The following GRID1 variants were observed in gnomAD, a reference collection of about 807,000 sequenced individuals.
The protein encoded by GRID1 is glutamate ionotropic receptor delta type subunit 1, also known as glutamate receptor ionotropic, delta-1.
GRID1 carries 28 observed loss-of-function variants against 98.0 expected under a neutral mutation model. The ratio of observed to expected loss-of-function variants is 0.29; its 90% CI spans 0.21 to 0.39. GRID1 has a LOEUF of 0.39. GRID1 is among the 10% of genes least tolerant of loss of function. The pLI is 1.00. For missense variants in GRID1, 1,111 were observed against 1,340.5 expected (o/e 0.83, Z 2.67); for synonymous variants, 553 against 538.5 (o/e 1.03, Z -0.37).
chr10:85,964,039 C>T (rs935961896), intron 4 of GRID1, among the ~76,000 whole-genome samples: 1 of 152,100 alleles, frequency 6.6e-6, no homozygotes, highest in African/African-American at 2.4e-5. Context: ...TTCACAATTG[C>T]TACTAAGACA....
intron 8 of GRID1, among the ~76,000 whole-genome samples, chr10:85,846,302 G>T (rs1843004381): frequency 6.6e-6 from 1 of 152,204 alleles, no homozygotes; most frequent in African/African-American, 2.4e-5. Flanking sequence ...GGGAGACTGA[G>T]GGGGCAGATC....
chr10:86,060,128 A>T (rs1843629295), intron 4 of GRID1, among the ~76,000 whole-genome samples: 2 of 152,262 alleles, frequency 1.3e-5, no homozygotes, highest in Non-Finnish European at 2.9e-5. Context: ...GGGGAAAAAA[A>T]GCAGATTTCT....
intron 6 of GRID1, among the ~76,000 whole-genome samples, chr10:85,866,496 G>A (rs1843223022): frequency 6.6e-6 from 1 of 150,814 alleles, no homozygotes; most frequent in South Asian, 2.1e-4. Flanking sequence ...AATTCCAGTT[G>A]AGCATCCTTA....
chr10:85,865,944 C>CATATATATATATATAT, intron 6 of GRID1, among the ~76,000 whole-genome samples: 1 of 65,804 alleles, frequency 1.5e-5, no homozygotes, highest in Non-Finnish European at 2.8e-5. Context: ...TATATATATA[C>CATATATATATATATAT]ACATATATAT....
At chr10:85,973,069 G>A (rs926102699) in intron 4 of GRID1, among the ~76,000 whole-genome samples, 14 of 152,160 alleles carry the variant, frequency 9.2e-5, no homozygotes, top group Admixed American at 6.5e-4. Flanking sequence ...GTGGCACCAC[G>A]TGACTTTTCA....
intron 4 of GRID1, among the ~76,000 whole-genome samples, chr10:86,121,152 G>A (rs904049748): frequency 1.3e-5 from 2 of 152,178 alleles, no homozygotes; most frequent in African/African-American, 4.8e-5. Context: ...GTAAGTCAGG[G>A]AGGGGAAGCT....
intron 4 of GRID1, among the ~76,000 whole-genome samples, chr10:85,933,660 A>G (rs149101791): frequency 1.4e-3 from 211 of 152,300 alleles, no homozygotes; most frequent in African/African-American, 4.7e-3. Flanking sequence ...ATTCTTGATC[A>G]AGCCCACAAG....
intron 15 of GRID1, chr10:85,605,474 T>C (rs1423553518): frequency 6.6e-6 from 1 of 152,226 alleles, no homozygotes; most frequent in African/African-American, 2.4e-5. Flanking sequence ...GGGAAACTGA[T>C]GACCTGGGAC....
chr10:85,933,225 A>C (rs749008801), intron 4 of GRID1, among the ~76,000 whole-genome samples: 76 of 150,278 alleles, frequency 5.1e-4, no homozygotes, highest in Non-Finnish European at 6.2e-4. Context: ...CCAATGATGC[A>C]GACTCCTCAA....
At chr10:86,268,006 C>T (rs1389604093) in intron 2 of GRID1, among the ~76,000 whole-genome samples, 2 of 152,294 alleles carry the variant, frequency 1.3e-5, no homozygotes, top group Non-Finnish European at 2.9e-5. Flanking sequence ...GCCCGGTGCT[C>T]GCCTGTGTCA....
chr10:86,287,374 G>T (rs534977682), intron 2 of GRID1, among the ~76,000 whole-genome samples: 1 of 152,172 alleles, frequency 6.6e-6, no homozygotes, highest in Admixed American at 6.5e-5. Flanking sequence ...AGAGCCCTGG[G>T]CACCATTCCT....
intron 4 of GRID1, among the ~76,000 whole-genome samples, chr10:86,136,252 G>A (rs950324905): frequency 6.6e-6 from 1 of 152,188 alleles, no homozygotes; most frequent in African/African-American, 2.4e-5. Flanking sequence ...GTTTACTCCA[G>A]AATCCACATT....
chr10:85,878,685 A>G (rs1054022160), intron 5 of GRID1, among the ~76,000 whole-genome samples: 6 of 152,250 alleles, frequency 3.9e-5, no homozygotes, highest in African/African-American at 1.4e-4. Context: ...TGTAAAGACC[A>G]TCAAGGCTAG....
At chr10:85,998,356 C>T (rs114895099) in intron 4 of GRID1, among the ~76,000 whole-genome samples, 1,802 of 151,832 alleles carry the variant, frequency 0.012, 33 homozygotes, top group African/African-American at 0.041. Flanking sequence ...AGAAAATATC[C>T]GAACACTTGA....
intron 4 of GRID1, among the ~76,000 whole-genome samples, chr10:86,131,549 A>G (rs1261915892): frequency 6.6e-6 from 1 of 152,118 alleles, no homozygotes; most frequent in Non-Finnish European, 1.5e-5. Flanking sequence ...TTGACCCCAG[A>G]CAGGCCTCCC....
chr10:86,089,686 A>G (rs1405582242), intron 4 of GRID1, among the ~76,000 whole-genome samples: 1 of 152,236 alleles, frequency 6.6e-6, no homozygotes, highest in African/African-American at 2.4e-5. Context: ...TATTTGAACC[A>G]AATGAAAAAA....
intron 2 of GRID1, among the ~76,000 whole-genome samples, chr10:86,251,534 A>T (rs370808682): frequency 6.6e-6 from 1 of 152,046 alleles, no homozygotes; most frequent in Non-Finnish European, 1.5e-5. Context: ...TTTCCTGGAA[A>T]ACCCTAGATT....
At chr10:86,305,893 G>A (rs1847753115) in intron 2 of GRID1, among the ~76,000 whole-genome samples, 1 of 152,198 alleles carries the variant, frequency 6.6e-6, no homozygotes, top group African/African-American at 2.4e-5. Flanking sequence ...TGAGGCTTAA[G>A]GAGTTAAGAC....
At chr10:85,705,129 C>G (rs537723834) in intron 12 of GRID1, among the ~76,000 whole-genome samples, 1 of 152,074 alleles carries the variant, frequency 6.6e-6, no homozygotes, top group South Asian at 2.1e-4. Context: ...CAGAGCAGAA[C>G]TGAAGGAAAT....
Sources: allele counts gnomAD v4.1 joint callset (sites outside exome capture counted in the v4.1 genomes callset), GRCh38; gene constraint gnomAD v4.1.1; transcripts MANE v1.5; gene names NCBI Gene and HGNC (gene_info 2026-07-23, HGNC 2026-07-21).